VAT1L: variants seen among roughly 807,000 people sequenced by gnomAD.
VAT1L encodes putative NADPH-dependent quinone oxidoreductase VAT1L.
Under a neutral mutation model 44.1 loss-of-function variants are expected in VAT1L, and 34 were observed. The observed-to-expected ratio is 0.77, with a 90% CI of 0.59 to 1.03. VAT1L has a LOEUF of 1.03. Among genes scored for constraint, VAT1L ranks in the 50% least tolerant of loss-of-function variants. The pLI is 0.00. For synonymous variants in VAT1L, 253 were observed against 202.2 expected (o/e 1.25, Z -2.13); for missense variants, 615 against 538.8 (o/e 1.14, Z -1.40).
intron 7 of VAT1L, among the ~76,000 whole-genome samples, chr16:77,965,118 A>G (rs1426398625): frequency 6.6e-6 from 1 of 151,990 alleles, no homozygotes; most frequent in Non-Finnish European, 1.5e-5. Flanking sequence ...TGATTATGAT[A>G]AGCCTATTTA....
At chr16:77,934,059 GAAGT>G (rs1567513044) in intron 7 of VAT1L, among the ~76,000 whole-genome samples, 1 of 152,052 alleles carries the variant, frequency 6.6e-6, no homozygotes, top group Admixed American at 6.6e-5. Context: ...AGTAAGAATA[GAAGT>G]AAGAAGAATA....
At position 77,803,565 on chromosome 16, in the gene VAT1L, G is replaced by A. The variant is rs897746757; in HGVS notation, c.234-13356G>A. Among the ~76,000 whole-genome samples, 14 of 151,880 alleles carry A rather than the reference G, an allele frequency of 9.2e-5. No homozygotes were observed. In the South Asian group the frequency reaches 1.0e-3, roughly 11 times the overall value. On this transcript the variant is annotated intron_variant, in intron 1 of 8. Coordinates refer to ENST00000302536, the MANE Select transcript of VAT1L (RefSeq NM_020927.3). ...CTCCAGAGTAGCTGGGACTACAGGC[G>A]CCCTCCACCACGCCCGGCTAATTTT...
chr16:77,841,338 C>T (rs1179805799), intron 3 of VAT1L, among the ~76,000 whole-genome samples: 1 of 152,224 alleles, frequency 6.6e-6, no homozygotes, highest in Non-Finnish European at 1.5e-5. Flanking sequence ...CTGCCTTGGT[C>T]TCCCAAAGTG....
At chr16:77,811,951 C>T (rs1023058144) in intron 1 of VAT1L, among the ~76,000 whole-genome samples, 2 of 152,146 alleles carry the variant, frequency 1.3e-5, no homozygotes, top group East Asian at 1.9e-4. Context: ...AACAAACAGA[C>T]GATGAGAGCT....
At chr16:77,798,917 A>G (rs191562937) in intron 1 of VAT1L, among the ~76,000 whole-genome samples, 219 of 148,938 alleles carry the variant, frequency 1.5e-3, no homozygotes, top group African/African-American at 5.3e-3. Flanking sequence ...GCTGGCCATC[A>G]TGATGAGTTT....
chr16:77,926,257 T>TAAACAAAAAAA, intron 7 of VAT1L, among the ~76,000 whole-genome samples: 1 of 112,806 alleles, frequency 8.9e-6, no homozygotes, highest in Non-Finnish European at 1.8e-5. Flanking sequence ...CGTCTCAAAG[T>TAAACAAAAAAA]AAAAAAAAAA....
chr16:77,822,996 A>C (rs1183266698), intron 2 of VAT1L, among the ~76,000 whole-genome samples: 1 of 152,014 alleles, frequency 6.6e-6, no homozygotes, highest in Admixed American at 6.6e-5. Context: ...TGAACTCCTC[A>C]TTACCCAGGT....
intron 7 of VAT1L, among the ~76,000 whole-genome samples, chr16:77,967,111 T>C (rs2018231517): frequency 6.6e-6 from 1 of 152,140 alleles, no homozygotes; most frequent in Non-Finnish European, 1.5e-5. Flanking sequence ...GCAATGTCTC[T>C]TTTGTGCAGA....
chr16:77,873,569 T>C (rs761956962), intron 4 of VAT1L, among the ~76,000 whole-genome samples: 51 of 152,210 alleles, frequency 3.4e-4, no homozygotes, highest in Non-Finnish European at 6.6e-4. Flanking sequence ...GCCATAGATA[T>C]TATCATAAGC....
chr16:77,930,048 A>T (rs2017711605), intron 7 of VAT1L, among the ~76,000 whole-genome samples: 1 of 152,268 alleles, frequency 6.6e-6, no homozygotes, highest in Admixed American at 6.5e-5. Flanking sequence ...ACCAATACCC[A>T]TAGCCCATAC....
chr16:77,962,728 G>A (rs1469218056), intron 7 of VAT1L, among the ~76,000 whole-genome samples: 1 of 134,614 alleles, frequency 7.4e-6, no homozygotes, highest in Non-Finnish European at 1.6e-5. Flanking sequence ...ACAAAAGAAG[G>A]AAAGAAGGAA....
chr16:77,872,570 A>G (rs1391289451), intron 4 of VAT1L, among the ~76,000 whole-genome samples: 1 of 151,986 alleles, frequency 6.6e-6, no homozygotes, highest in Admixed American at 6.6e-5. Flanking sequence ...CTCCAGCCCA[A>G]CCTCAAAGCA....
chr16:77,971,922 C>G lies in VAT1L; in HGVS notation c.1150C>G (p.Pro384Ala). Residue 384 changes from proline to alanine, a missense_variant, in exon 8 of 9, where the codon CCA becomes GCA. Physicochemically the swap from Pro to Ala is conservative, Grantham distance 27. Transcript: ENST00000302536. Reference protein sequence around the residue: ...GKLILDVEKTPTPLMANDSTE... With the variant: ...GKLILDVEKTATPLMANDSTE... The stretch of plus-strand genomic sequence containing the variant: ...GTTAATTCTGGATGTAGAAAAGACC[C>G]CAACTCCACTGGTGAGTGAAAAGCA... 1 of 1,613,764 alleles carries G rather than the reference C, an allele frequency of 6.2e-7. No homozygotes were observed. Among genetic ancestry groups the G allele is most frequent in the Non-Finnish European group, 8.5e-7 (1 of 1,179,810 alleles).
intron 1 of VAT1L, among the ~76,000 whole-genome samples, chr16:77,813,607 G>A (rs764757134): frequency 1.3e-5 from 2 of 152,160 alleles, no homozygotes; most frequent in African/African-American, 4.8e-5. Context: ...GTTGCTGTTC[G>A]TGTTTTTTCT....
intron 1 of VAT1L, among the ~76,000 whole-genome samples, chr16:77,791,390 A>G (rs375661831): frequency 1.3e-5 from 2 of 152,206 alleles, no homozygotes; most frequent in Non-Finnish European, 1.5e-5. Context: ...CAAGTTGGCT[A>G]TGAATTTTAT....
At chr16:77,868,641 C>T (rs555912988) in intron 4 of VAT1L, among the ~76,000 whole-genome samples, 1 of 152,204 alleles carries the variant, frequency 6.6e-6, no homozygotes, top group Non-Finnish European at 1.5e-5. Context: ...TTCTAGCACC[C>T]ACACTGACTC....
intron 7 of VAT1L, among the ~76,000 whole-genome samples, chr16:77,893,389 T>C (rs547443815): frequency 1.9e-4 from 29 of 151,952 alleles, no homozygotes; most frequent in African/African-American, 6.5e-4. Context: ...AGCTGGGAGG[T>C]CAGGAACAGG....
chr16:77,884,634 C>T lies in VAT1L; in HGVS notation c.909C>T (p.Pro303=). The T allele has an allele frequency of 1.2e-6, 2 of 1,613,586 alleles. No individual in the cohort carries two copies. Among genetic ancestry groups the T allele is most frequent in the Non-Finnish European group, 1.7e-6 (2 of 1,179,870 alleles). ...KSWWQVEKVN[P]IKLYEENKVI... Reference sequence around the variant, plus strand: ...GGTGGCAGGTGGAGAAGGTGAACCCCATCAAGCTGTATGAGGAGAACAAAG... The same window carrying T: ...GGTGGCAGGTGGAGAAGGTGAACCCTATCAAGCTGTATGAGGAGAACAAAG... The change falls in exon 7 of 9, where the codon CCC becomes CCT. Residue 303 remains proline, a synonymous_variant. Transcript: ENST00000302536. This position sits in a 1 kb window ranked among gnomAD's most constrained non-coding sequence, Gnocchi z 4.5.
chr16:77,795,163 A>G (rs1444706856), intron 1 of VAT1L, among the ~76,000 whole-genome samples: 1 of 152,004 alleles, frequency 6.6e-6, no homozygotes, highest in East Asian at 1.9e-4. Flanking sequence ...CCTCTCCCTC[A>G]ATCTGTATCT....
Sources: gnomAD v4.1 joint callset for allele counts (sites outside exome capture counted in the v4.1 genomes callset) on GRCh38, gnomAD v4.1.1 for gene constraint, Gnocchi (gnomAD v3.1) non-coding constraint, MANE v1.5 for transcripts, NCBI Gene and HGNC (gene_info 2026-07-23, HGNC 2026-07-21) for gene names.